SLC4A7: variants seen among roughly 807,000 people sequenced by gnomAD.
SLC4A7 encodes sodium bicarbonate cotransporter 3.
In SLC4A7, 51 loss-of-function variants were observed where a neutral mutation model predicts 137.6. The ratio of observed to expected loss-of-function variants is 0.37; its 90% CI spans 0.30 to 0.47. The LOEUF is 0.47. Among genes scored for constraint, SLC4A7 ranks in the 20% least tolerant of loss-of-function variants. The pLI, the probability that SLC4A7 is intolerant of heterozygous loss-of-function variation, is 1.00. For synonymous variants in SLC4A7, 542 were observed against 518.6 expected, an observed-to-expected ratio of 1.05 and a Z score of -0.61; for missense variants, 1,247 against 1,525.4, an observed-to-expected ratio of 0.82 and a Z score of 3.04.
intron 1 of SLC4A7, among the ~76,000 whole-genome samples, chr3:27,459,831 T>C (rs1380718840): frequency 6.6e-6 from 1 of 152,034 alleles, no homozygotes; most frequent in East Asian, 1.9e-4. Flanking sequence ...TTGCTAGAGT[T>C]GCCATTATAA....
At chr3:27,382,828 G>A (rs2150025893) in intron 24 of SLC4A7, among the ~76,000 whole-genome samples, 1 of 152,188 alleles carries the variant, frequency 6.6e-6, no homozygotes, top group African/African-American at 2.4e-5. Context: ...CCACACTACT[G>A]GGAAAATGGA....
chr3:27,379,079 T>C (rs1411351792), intron 25 of SLC4A7, among the ~76,000 whole-genome samples, 170 bp downstream of exon 25: 1 of 152,154 alleles, frequency 6.6e-6, no homozygotes, highest in East Asian at 1.9e-4. Context: ...CTGACTCAAA[T>C]TATTTTTTAA....
chr3:27,456,154 A>G (rs564365581), intron 1 of SLC4A7, among the ~76,000 whole-genome samples: 1 of 152,328 alleles, frequency 6.6e-6, no homozygotes, highest in South Asian at 2.1e-4. Flanking sequence ...CCTTTAAAAT[A>G]TAGTGTCTAA....
Position 27,434,047 on chromosome 3 carries a change from T to C in SLC4A7, c.647A>G (p.Asn216Ser). ...SGQLDESIRE[N>S]VREALLKRHH... ...TCTCTTCAGAAGAGCTTCTCTGACA[T>C]TCTCTCGTATGGACTCGTCTAATTG... Residue 216 changes from asparagine (N) to serine (S), a missense_variant, in exon 6 of 26, where the codon AAT becomes AGT. Asn to Ser is a conservative substitution (Grantham distance 46). This residue lies in a region of SLC4A7 where 223 missense variants were observed against 203.6 expected (regional missense o/e 1.10). Transcript: ENST00000454389. 2 of 1,613,784 alleles carry C rather than the reference T, an allele frequency of 1.2e-6. No individual in the cohort carries two copies. The highest frequency in any genetic ancestry group is 1.1e-5 in the South Asian group (1 of 91,072).
chr3:27,478,303 A>C (rs1212891605), intron 1 of SLC4A7, among the ~76,000 whole-genome samples: 1 of 152,026 alleles, frequency 6.6e-6, no homozygotes, highest in Non-Finnish European at 1.5e-5. Context: ...GGATGACCTG[A>C]GGTCAGGAGT....
intron 3 of SLC4A7, among the ~76,000 whole-genome samples, chr3:27,443,042 T>TC (rs2057335173): frequency 7.0e-6 from 1 of 143,820 alleles, no homozygotes; most frequent in Non-Finnish European, 1.5e-5. Context: ...CTTTTTTTTT[T>TC]TTTTTTTGAG....
At chr3:27,449,001 A>T (rs2057877078) in intron 2 of SLC4A7, among the ~76,000 whole-genome samples, 1 of 152,204 alleles carries the variant, frequency 6.6e-6, no homozygotes, top group Non-Finnish European at 1.5e-5. Flanking sequence ...GATTACACTA[A>T]ATCTACAAAT....
chr3:27,475,511 T>G (rs944645694), intron 1 of SLC4A7, among the ~76,000 whole-genome samples: 2 of 151,952 alleles, frequency 1.3e-5, no homozygotes, highest in Admixed American at 6.6e-5. Flanking sequence ...ACCTCCAAAT[T>G]TTACCTTGTT....
intron 1 of SLC4A7, among the ~76,000 whole-genome samples, chr3:27,467,441 T>C (rs950673730): frequency 6.6e-6 from 1 of 152,222 alleles, no homozygotes; most frequent in African/African-American, 2.4e-5. Context: ...TAACAGCTAA[T>C]TAAATTGAAA....
intron 20 of SLC4A7, 157 bp from the exon 21 acceptor site, chr3:27,391,965 A>C (rs2051603427): frequency 2.2e-6 from 1 of 464,252 alleles, no homozygotes; most frequent in African/African-American, 2.0e-5. Context: ...AATATACAAT[A>C]ACCTGCTTGA....
rs79725651 is a variant in SLC4A7 at position 27,406,120 on chromosome 3, A to G, written c.1942-1157T>C. On this transcript the variant is annotated intron_variant, in intron 13 of 25. Coordinates refer to ENST00000454389, the MANE Select transcript of SLC4A7 (RefSeq NM_001321103.2). ...AATGAGAGGCAGCGCAGCAACAGGC[A>G]AAGAGGAGGGCTTCCGAAACTAGAT... Among the ~76,000 whole-genome samples, 991 of 152,344 alleles carry G rather than the reference A, an allele frequency of 6.5e-3. 15 individuals are homozygous for G. The highest frequency in any genetic ancestry group is 0.023 in the African/African-American group (943 of 41,578).
At chr3:27,453,677 T>C (rs1275878611) in intron 1 of SLC4A7, among the ~76,000 whole-genome samples, 1 of 152,264 alleles carries the variant, frequency 6.6e-6, no homozygotes, top group Non-Finnish European at 1.5e-5. Flanking sequence ...GGTGTCCAAA[T>C]TCTCAGTAAG....
rs905202095 is a variant in SLC4A7, at chr3:27,423,821, T to C, written c.1266+216A>G. The C allele has an allele frequency of 1.5e-5, 7 of 452,060 alleles. 1 individual carries two copies. The Admixed American group carries it at 1.7e-4, about 11-fold the overall frequency. 28.0% of individuals were successfully genotyped at this position (452,060 alleles called of 1,614,324 possible). On this transcript the variant is annotated intron_variant, in intron 8 of 25. Transcript: ENST00000454389. ...TCTTTTTCAGAATTTCTAACACTAG[T>C]AATGGTGTAAAGTTATTCAAGTACT...
intron 3 of SLC4A7, among the ~76,000 whole-genome samples, chr3:27,445,924 T>A (rs1437275762): frequency 2.3e-5 from 2 of 85,550 alleles, no homozygotes; most frequent in African/African-American, 9.8e-5. Flanking sequence ...AGAGAGAGGC[T>A]CAGTCTCAAA....
chr3:27,458,375 A>C (rs1464503212), intron 1 of SLC4A7, among the ~76,000 whole-genome samples: 1 of 152,204 alleles, frequency 6.6e-6, no homozygotes, highest in Non-Finnish European at 1.5e-5. Context: ...AATAAGTAGC[A>C]AAATAAGAAA....
chr3:27,464,904 C>T (rs1462361210), intron 1 of SLC4A7, among the ~76,000 whole-genome samples: 5 of 152,104 alleles, frequency 3.3e-5, no homozygotes, highest in Non-Finnish European at 7.4e-5. Flanking sequence ...AGATGGACAG[C>T]CTGTTAGCCA....
At chr3:27,404,688 T>C (rs978805540) in intron 14 of SLC4A7, 142 bp downstream of exon 14, 1 of 616,018 alleles carries the variant, frequency 1.6e-6, no homozygotes, top group African/African-American at 1.9e-5. Context: ...GGCCAGAGGA[T>C]GGTCAATCAT....
chr3:27,413,758 G>C (rs1158609854), intron 11 of SLC4A7, among the ~76,000 whole-genome samples: 1 of 152,038 alleles, frequency 6.6e-6, no homozygotes, highest in Non-Finnish European at 1.5e-5. Flanking sequence ...TTACTTAATG[G>C]GAGAAATACT....
At chr3:27,431,052 T>C (rs2056224746) in intron 7 of SLC4A7, among the ~76,000 whole-genome samples, 1 of 152,166 alleles carries the variant, frequency 6.6e-6, no homozygotes. Flanking sequence ...GTAAAAGCAA[T>C]TGAGTTCTTG....
Sources: allele counts gnomAD v4.1 joint callset (sites outside exome capture counted in the v4.1 genomes callset), GRCh38; gene constraint gnomAD v4.1.1; regional missense constraint gnomAD v4.1.1; transcripts MANE v1.5; gene names NCBI Gene and HGNC (gene_info 2026-07-23, HGNC 2026-07-21).